COPG2: variants seen among roughly 807,000 people sequenced by gnomAD.
The protein encoded by COPG2 is coat protein complex I subunit gamma 2, also known as coatomer subunit gamma-2.
In COPG2, 37 loss-of-function variants were observed where a neutral mutation model predicts 46.3. That is an observed-to-expected ratio of 0.80 (90% CI 0.61 to 1.05). COPG2 has a LOEUF of 1.05. Ranked by LOEUF, COPG2 falls within the 50% of genes least tolerant of loss-of-function variation. The pLI is 0.00. For missense variants in COPG2, 427 were observed against 387.8 expected (o/e 1.10, Z -0.85); for synonymous variants, 159 against 129.7 (o/e 1.23, Z -1.53).
chr7:130,585,894 T>C lies in COPG2; in HGVS notation c.738-21501A>G, dbSNP rs565939931. Among the ~76,000 whole-genome samples the C allele has an allele frequency of 7.9e-5, 12 of 152,188 alleles. No homozygotes were observed. The South Asian group carries it at 2.1e-3, about 26-fold the overall frequency. On this transcript the variant is annotated intron_variant, in intron 9 of 23. Transcript: ENST00000425248. ...GGAATGTAAACTAGTACAACCACTA[T>C]AGAAAAACAGTGTGGAGATTCCTTA...
chr7:130,619,625 C>T (rs782466062), intron 5 of COPG2, among the ~76,000 whole-genome samples: 40 of 152,162 alleles, frequency 2.6e-4, no homozygotes, highest in Non-Finnish European at 4.3e-4. Context: ...TAATTGAATA[C>T]ATTCAATGCT....
intron 20 of COPG2, among the ~76,000 whole-genome samples, chr7:130,513,357 G>GTATATATATATATATA (rs1563034153): frequency 2.4e-5 from 1 of 42,080 alleles, no homozygotes; most frequent in African/African-American, 5.3e-5. Flanking sequence ...GTGTGTGTGT[G>GTATATATATATATATA]TGTATATATA....
intron 4 of COPG2, among the ~76,000 whole-genome samples, chr7:130,655,245 AGTTT>A (rs1480230636): frequency 5.3e-5 from 8 of 151,806 alleles, no homozygotes; most frequent in Middle Eastern, 3.4e-3. Context: ...AACCAGGACT[AGTTT>A]GTTTGTTTTT....
chr7:130,638,294 G>A (rs1351628336), intron 5 of COPG2, among the ~76,000 whole-genome samples: 5 of 152,170 alleles, frequency 3.3e-5, no homozygotes, highest in African/African-American at 1.2e-4. Flanking sequence ...CAGCAGGCAG[G>A]AACGTTCAAG....
intron 5 of COPG2, among the ~76,000 whole-genome samples, chr7:130,638,657 G>T (rs1283538777): frequency 6.6e-6 from 1 of 152,170 alleles, no homozygotes; most frequent in Admixed American, 6.5e-5. Flanking sequence ...ATCTTAGCTT[G>T]CTGGGCTCCG....
At chr7:130,526,429 G>T (rs1320430172) in intron 20 of COPG2, among the ~76,000 whole-genome samples, 1 of 152,076 alleles carries the variant, frequency 6.6e-6, no homozygotes, top group Non-Finnish European at 1.5e-5. Context: ...AGGAAGCAAG[G>T]AGAAGAAATG....
intron 5 of COPG2, among the ~76,000 whole-genome samples, chr7:130,651,277 G>A (rs190041165): frequency 2.6e-5 from 4 of 151,822 alleles, no homozygotes; most frequent in Admixed American, 2.6e-4. Context: ...CCAGAGATAA[G>A]TCTGTATAAC....
intron 20 of COPG2, among the ~76,000 whole-genome samples, chr7:130,531,847 G>A (rs1799829295): frequency 6.6e-6 from 1 of 150,592 alleles, no homozygotes; most frequent in East Asian, 2.0e-4. Context: ...ATGGGGGGGT[G>A]GGTTTCACCC....
intron 9 of COPG2, 92 bp downstream of exon 9, chr7:130,610,861 C>T: frequency 7.8e-7 from 1 of 1,277,942 alleles, no homozygotes; most frequent in Non-Finnish European, 1.1e-6. Flanking sequence ...AAAGTTAGCA[C>T]TGCCCCAAAA....
At chr7:130,623,446 T>TAAG (rs1795069754) in intron 5 of COPG2, among the ~76,000 whole-genome samples, 1 of 152,190 alleles carries the variant, frequency 6.6e-6, no homozygotes, top group Non-Finnish European at 1.5e-5. Flanking sequence ...GCCAGTACCA[T>TAAG]GCTGTTTTAA....
intron 20 of COPG2, among the ~76,000 whole-genome samples, chr7:130,532,823 T>G (rs1419887971): frequency 5.3e-5 from 8 of 152,026 alleles, no homozygotes; most frequent in Non-Finnish European, 8.8e-5. Flanking sequence ...GACGCAGAGA[T>G]GACTGCATCT....
intron 9 of COPG2, among the ~76,000 whole-genome samples, chr7:130,596,334 G>C (rs1794525929): frequency 6.6e-6 from 1 of 152,106 alleles, no homozygotes; most frequent in Non-Finnish European, 1.5e-5. Context: ...AGTGAACTCT[G>C]GACACAGCAA....
chr7:130,622,905 T>C (rs1795062320), intron 5 of COPG2, among the ~76,000 whole-genome samples: 1 of 152,186 alleles, frequency 6.6e-6, no homozygotes, highest in Admixed American at 6.5e-5. Context: ...GACAGAGTCC[T>C]TTCTGCCACC....
At chr7:130,643,939 A>G (rs1795542431) in intron 5 of COPG2, among the ~76,000 whole-genome samples, 1 of 152,230 alleles carries the variant, frequency 6.6e-6, no homozygotes. Context: ...ACTGCACTCC[A>G]GCCTGGGTGA....
chr7:130,596,352 C>T (rs1201337429), intron 9 of COPG2, among the ~76,000 whole-genome samples: 1 of 152,184 alleles, frequency 6.6e-6, no homozygotes, highest in Non-Finnish European at 1.5e-5. Flanking sequence ...CAAAATAGGT[C>T]CGCTGGAATG....
chr7:130,620,671 C>G (rs1795023831), intron 5 of COPG2, among the ~76,000 whole-genome samples: 1 of 152,184 alleles, frequency 6.6e-6, no homozygotes, highest in Non-Finnish European at 1.5e-5. Context: ...AAGAGGAATT[C>G]TGTCTTGGGA....
At chr7:130,573,164 C>T (rs2116420469) in intron 9 of COPG2, among the ~76,000 whole-genome samples, 1 of 149,662 alleles carries the variant, frequency 6.7e-6, no homozygotes, top group African/African-American at 2.4e-5. Flanking sequence ...CAAAAAGAAA[C>T]AGAAAATCTA....
At chr7:130,636,794 G>C (rs1795347452) in intron 5 of COPG2, among the ~76,000 whole-genome samples, 1 of 152,112 alleles carries the variant, frequency 6.6e-6, no homozygotes. Flanking sequence ...TTGCCCATTA[G>C]TTGATGCAGT....
chr7:130,590,126 A>G (rs1157695264), intron 9 of COPG2, among the ~76,000 whole-genome samples: 5 of 152,084 alleles, frequency 3.3e-5, no homozygotes, highest in African/African-American at 1.2e-4. Flanking sequence ...TACCCCATCT[A>G]TAACCTATTT....
Sources: gnomAD v4.1 joint callset for allele counts (sites outside exome capture counted in the v4.1 genomes callset) on GRCh38, gnomAD v4.1.1 for gene constraint, MANE v1.5 for transcripts, NCBI Gene and HGNC (gene_info 2026-07-23, HGNC 2026-07-21) for gene names.